Variants in HSPG2 observed in about 807,000 individuals in gnomAD.
The protein encoded by HSPG2 is basement membrane-specific heparan sulfate proteoglycan core protein.
HSPG2 carries 278 observed loss-of-function variants against 526.6 expected under a neutral mutation model. The observed-to-expected ratio is 0.53, with a 90% CI of 0.48 to 0.58. HSPG2 has a LOEUF of 0.58. Ranked by LOEUF, HSPG2 falls within the 20% of genes least tolerant of loss-of-function variation. HSPG2 has a pLI of 0.00. For synonymous variants in HSPG2, 2,465 were observed against 2,555.4 expected (o/e 0.96, Z 1.07); for missense variants, 5,354 against 6,099.5 (o/e 0.88, Z 4.07).
At position 21,865,923 on chromosome 1, in the gene HSPG2, C is replaced by T; in HGVS notation, c.4222-114G>A. On this transcript the variant is annotated intron_variant, in intron 33 of 96. Transcript: ENST00000374695. The surrounding 1 kb of genome is among the most constrained non-coding windows in gnomAD (Gnocchi z 5.4). ...TTTTTGCACCTGTGCCACACTCCCC[C>T]ACCCCCCTCCCTGCCCAAACCAAGA... The T allele has an allele frequency of 1.3e-6, 1 of 761,696 alleles. No individual in the cohort carries two copies. Among genetic ancestry groups the T allele is most frequent in the South Asian group, 1.4e-5 (1 of 70,810 alleles). The allele number at this position is 761,696 out of a possible 1,614,324, so 47.2% of individuals were successfully genotyped here. A position where few individuals can be genotyped will look rare whatever the true frequency, so the allele number is the denominator to read the frequency against.
intron 81 of HSPG2, 80 bp from the exon 82 acceptor site, chr1:21,831,876 G>T: frequency 2.1e-6 from 3 of 1,429,926 alleles, no homozygotes; most frequent in Non-Finnish European, 2.8e-6. Context: ...TTGGGTAGAG[G>T]GGTCCCAGAG....
chr1:21,934,088 C>G lies in HSPG2; in HGVS notation c.63+3067G>C, dbSNP rs376732700. On this transcript the variant is annotated intron_variant, in intron 1 of 96. Coordinates refer to ENST00000374695, the MANE Select transcript of HSPG2 (RefSeq NM_005529.7). The stretch of plus-strand genomic sequence containing the variant: ...GGCCTGCCGAGTCACCCAGGCCCAG[C>G]CCCCTCCTCCAGCAAGCCTCCTCAC... 2.5e-3 allele frequency among the ~76,000 whole-genome samples: 380 copies of G among 152,304 alleles called. 2 individuals carry two copies. Among genetic ancestry groups the G allele is most frequent in the African/African-American group, 8.6e-3 (357 of 41,586 alleles).
chr1:21,871,947 T>C (rs750220816), intron 33 of HSPG2, among the ~76,000 whole-genome samples: 9 of 152,226 alleles, frequency 5.9e-5, no homozygotes, highest in Non-Finnish European at 1.0e-4. Flanking sequence ...TGAGCACTTA[T>C]TATGTGCCAG....
rs749232550 is a variant in HSPG2 at position 21,873,081 on chromosome 1, C to G, written c.3804G>C (p.Gln1268His). Reference sequence around the variant, plus strand: ...AGTTGCAGCCTATGGGCCCTGGCACCTGGCTGTCTCCTGAGGTGGAAGAAA... The same window carrying G: ...AGTTGCAGCCTATGGGCCCTGGCACGTGGCTGTCTCCTGAGGTGGAAGAAA... ...SQGQPCQRDS[Q>H]VPGPIGCNCD... is the part of the protein sequence containing the mutation. Residue 1268 changes from glutamine (Q) to histidine (H), a missense_variant, in exon 31 of 97, where the codon CAG becomes CAC. By Grantham distance (24) the Gln-to-His change is conservative (BLOSUM62 0). Transcript: ENST00000374695. 6.2e-7 allele frequency: 1 copy of G among 1,600,906 alleles called. No homozygotes were observed. Among genetic ancestry groups the G allele is most frequent in the Non-Finnish European group, 8.5e-7 (1 of 1,179,832 alleles).
chr1:21,913,398 G>T (rs979581602), intron 1 of HSPG2, among the ~76,000 whole-genome samples: 1 of 152,188 alleles, frequency 6.6e-6, no homozygotes, highest in Non-Finnish European at 1.5e-5. Flanking sequence ...CAAAGAGAAT[G>T]CGACATCCCA....
Position 21,842,360 on chromosome 1 carries a change from C to T in HSPG2, c.8931G>A (p.Arg2977=), listed in dbSNP as rs2098052442. 6.2e-7 allele frequency: 1 copy of T among 1,609,010 alleles called. No homozygotes were observed. Among genetic ancestry groups the T allele is most frequent in the Admixed American group, 1.7e-5 (1 of 59,722 alleles). The change falls in exon 68 of 97, where the codon CGG becomes CGA. Residue 2977 remains arginine, a synonymous_variant. Coordinates refer to ENST00000374695, the MANE Select transcript of HSPG2 (RefSeq NM_005529.7). The part of the protein sequence containing the change: ...ARHQTHGSQL[R]LHLVSPADSG... ...AGTCGGCAGGGGAGACGAGGTGGAG[C>T]CGCAGCTGGGAGCCATGGGTCTGTC...
At position 21,915,498 on chromosome 1, in the gene HSPG2, G is replaced by A. The variant is rs565816339; in HGVS notation, c.64-19188C>T. Among the ~76,000 whole-genome samples the A allele has an allele frequency of 1.1e-4, 17 of 152,302 alleles. 1 individual carries two copies. The South Asian group carries it at 3.5e-3, about 32-fold the overall frequency. ...GGGTGTGGTCAGGCAAAGGGAGAGT[G>A]AGAGGCTGCCGAGAAGAAAGCAGGA... On this transcript the variant is annotated intron_variant, in intron 1 of 96. Coordinates refer to ENST00000374695, the MANE Select transcript of HSPG2 (RefSeq NM_005529.7).
intron 1 of HSPG2, among the ~76,000 whole-genome samples, chr1:21,921,200 G>A (rs1383027757): frequency 6.6e-6 from 1 of 152,130 alleles, no homozygotes; most frequent in Non-Finnish European, 1.5e-5. Context: ...ACTTGCCCAA[G>A]GTCATACAGC....
At chr1:21,880,045 G>A (rs1322270075) in intron 17 of HSPG2, 62 bp downstream of exon 17, 4 of 1,582,796 alleles carry the variant, frequency 2.5e-6, no homozygotes, top group Non-Finnish European at 3.5e-6. Context: ...ATGAACACAG[G>A]GAATCTCACA....
At chr1:21,868,905 G>C (rs914646014) in intron 33 of HSPG2, 2 of 982,520 alleles carry the variant, frequency 2.0e-6, no homozygotes, top group Non-Finnish European at 2.4e-6. Flanking sequence ...AGGAAGGCCC[G>C]GGGCAGCTGC....
At position 21,822,593 on chromosome 1, in the gene HSPG2, T is replaced by C. The variant is rs2097954748; in HGVS notation, c.*723A>G. 3.7e-6 allele frequency: 1 copy of C among 272,894 alleles called. No individual in the cohort carries two copies. Among genetic ancestry groups the C allele is most frequent in the African/African-American group, 2.2e-5 (1 of 46,038 alleles). 16.9% of individuals were successfully genotyped at this position (272,894 alleles called of 1,614,324 possible). A position where few individuals can be genotyped will look rare whatever the true frequency, so the allele number is the denominator to read the frequency against. ...GGCCCGGTGGGCGGGGCCCTATCAGTGCTGGGCTCTGCCTGTAGCAGCTCC... is the reference window on the plus strand; with the variant it reads ...GGCCCGGTGGGCGGGGCCCTATCAGCGCTGGGCTCTGCCTGTAGCAGCTCC... On this transcript the variant is annotated 3_prime_UTR_variant, in exon 97 of 97. Transcript: ENST00000374695.
In HSPG2 at chr1:21,856,707, G is replaced by A. The variant is rs140594217; in HGVS notation, c.5575+308C>T. On this transcript the variant is annotated intron_variant, in intron 44 of 96. Transcript: ENST00000374695. ...GCTGGGCTTACAGGTGTGAGCCACCGCTCCTGGCCTTCTCCCACCTTGTTT... is the reference window on the plus strand; with the variant it reads ...GCTGGGCTTACAGGTGTGAGCCACCACTCCTGGCCTTCTCCCACCTTGTTT... 1.8e-4 allele frequency among the ~76,000 whole-genome samples: 27 copies of A among 152,200 alleles called. No homozygotes were observed. In the East Asian group the frequency reaches 2.3e-3, roughly 13 times the overall value.
intron 33 of HSPG2, among the ~76,000 whole-genome samples, chr1:21,867,593 C>T (rs1640340899): frequency 6.6e-6 from 1 of 152,174 alleles, no homozygotes. Flanking sequence ...GTACTCCACA[C>T]AGTTTGAGAA....
Position 21,887,815 on chromosome 1 carries a change from C to T in HSPG2, c.703+123G>A. ...CTGCCTGGCTCTGTCATCACCCTTC[C>T]TATGCCCCCATCCTCTGCCTGCACC... On this transcript the variant is annotated intron_variant, in intron 7 of 96. Coordinates refer to ENST00000374695, the MANE Select transcript of HSPG2 (RefSeq NM_005529.7). This position sits in a 1 kb window ranked among gnomAD's most constrained non-coding sequence, Gnocchi z 5.0. 6.4e-7 allele frequency: 1 copy of T among 1,572,796 alleles called. No individual in the cohort carries two copies.
At position 21,890,139 on chromosome 1, in the gene HSPG2, T is replaced by A. The variant is rs1387834822; in HGVS notation, c.416A>T (p.Glu139Val). 1.2e-6 allele frequency: 2 copies of A among 1,613,844 alleles called. No homozygotes were observed. The highest frequency in any genetic ancestry group is 8.5e-7 in the Non-Finnish European group (1 of 1,179,950). Residue 139 changes from glutamate to valine, a missense_variant and splice_region_variant, in exon 6 of 97, where the codon GAG (glutamate) becomes GTG (valine). Coordinates refer to ENST00000374695, the MANE Select transcript of HSPG2 (RefSeq NM_005529.7). This position sits in a 1 kb window ranked among gnomAD's most constrained non-coding sequence, Gnocchi z 4.1. Reference protein sequence around the residue: ...DQVVSVVFIKELDGWVFVELD... With the variant: ...DQVVSVVFIKVLDGWVFVELD... The stretch of plus-strand genomic sequence containing the variant: ...CTCCACAAAAACCCAGCCATCCAGC[T>A]CCCTGGGGATGGAGACAGGCAGGAG...
In HSPG2 at chr1:21,851,566, T is replaced by G. The variant is rs767635632; in HGVS notation, c.7138A>C (p.Ser2380Arg). The change falls in exon 55 of 97, where the codon AGC becomes CGC. Residue 2380 changes from serine (S) to arginine (R), a missense_variant. Physicochemically the swap from Ser to Arg is moderately radical, Grantham distance 110 (BLOSUM62 -1). Transcript: ENST00000374695. The stretch of plus-strand genomic sequence containing the variant: ...CATACCTGGTGCCGGACAGGGAGGC[T>G]GCCCCCACGCTTGTGCCACGTGACC... ...AQVTWHKRGG[S>R]LPVRHQTHGS... 1.5e-4 allele frequency: 242 copies of G among 1,613,914 alleles called. 1 individual carries two copies. Among genetic ancestry groups the G allele is most frequent in the Non-Finnish European group, 1.9e-4 (219 of 1,180,048 alleles).
rs763241404 is a variant in HSPG2, at chr1:21,828,409, T to C, written c.12255A>G (p.Lys4085=). The C allele has an allele frequency of 6.2e-7, 1 of 1,613,286 alleles. No homozygotes were observed. Among genetic ancestry groups the C allele is most frequent in the East Asian group, 2.2e-5 (1 of 44,854 alleles). ...GCVGEVSVNG[K]RLDLTYSFLG... ...GGAAACTGTAGGTGAGGTCCAGCCG[T>C]TTGCCATTCACTGACACCTGTGGGG... Residue 4085 remains lysine, a synonymous_variant, in exon 89 of 97, where the codon AAA becomes AAG. Coordinates refer to ENST00000374695, the MANE Select transcript of HSPG2 (RefSeq NM_005529.7). This position sits in a 1 kb window ranked among gnomAD's most constrained non-coding sequence, Gnocchi z 6.0.
At position 21,850,149 on chromosome 1, in the gene HSPG2, C is replaced by T. The variant is rs141160393; in HGVS notation, c.7338G>A (p.Ser2446=). ...CCAGGGTCTGCCCCTCGGCCACTTG[C>T]GAAGACGATGACTCGATCCGGACCG... The part of the protein sequence containing the change: ...TPTVRIESSS[S]QVAEGQTLDL... The change falls in exon 57 of 97, where the codon TCG becomes TCA. Residue 2446 remains serine (S), a synonymous_variant. Transcript: ENST00000374695. 4.6e-5 allele frequency: 75 copies of T among 1,613,286 alleles called. No individual in the cohort carries two copies. The highest frequency in any genetic ancestry group is 1.6e-4 in the Middle Eastern group (1 of 6,084).
At chr1:21,925,798 C>A (rs1315188148) in intron 1 of HSPG2, among the ~76,000 whole-genome samples, 2 of 152,172 alleles carry the variant, frequency 1.3e-5, no homozygotes, top group African/African-American at 4.8e-5. Context: ...GGGAGTCTGA[C>A]AACCTGGGCT....
Sources: gnomAD v4.1 joint callset for allele counts (sites outside exome capture counted in the v4.1 genomes callset) on GRCh38, gnomAD v4.1.1 for gene constraint, Gnocchi (gnomAD v3.1) non-coding constraint, MANE v1.5 for transcripts, NCBI Gene and HGNC (gene_info 2026-07-23, HGNC 2026-07-21) for gene names.